Variants in SHROOM3 observed in about 807,000 individuals in gnomAD.
SHROOM3 encodes the protein shroom family member 3.
SHROOM3 carries 47 observed loss-of-function variants against 138.6 expected under a neutral mutation model. The observed-to-expected ratio is 0.34, with a 90% confidence interval of 0.27 to 0.43. The LOEUF (loss-of-function observed/expected upper bound fraction) is 0.43. Among genes scored for constraint, SHROOM3 ranks in the 20% least tolerant of loss-of-function variants. The pLI is 1.00. For synonymous variants in SHROOM3, 1,062 were observed against 1,063.3 expected (o/e 1.00, Z 0.02); for missense variants, 2,491 against 2,596.5 (o/e 0.96, Z 0.88).
rs77841569 is a variant in SHROOM3 at position 76,568,453 on chromosome 4, A to G, written c.323+12690A>G. 2.0e-5 allele frequency among the ~76,000 whole-genome samples: 3 copies of G among 152,238 alleles called. No individual in the cohort carries two copies. The South Asian group carries it at 6.2e-4, about 32-fold the overall frequency. ...TATCTTCACTATCCTTCTATTCCCTATGGAATATGGTCAATAGTTTCATCA... is the reference window on the plus strand; with the variant it reads ...TATCTTCACTATCCTTCTATTCCCTGTGGAATATGGTCAATAGTTTCATCA... On this transcript the variant is annotated intron_variant, in intron 2 of 10. Coordinates refer to ENST00000296043, the MANE Select transcript of SHROOM3 (RefSeq NM_020859.4).
intron 1 of SHROOM3, among the ~76,000 whole-genome samples, chr4:76,436,606 G>T (rs1347915528): frequency 6.6e-6 from 1 of 152,068 alleles, no homozygotes; most frequent in Non-Finnish European, 1.5e-5. Context: ...ACTGAAAATA[G>T]CATCTAAAAA....
chr4:76,540,422 A>G (rs1399080886), intron 1 of SHROOM3, among the ~76,000 whole-genome samples: 1 of 152,218 alleles, frequency 6.6e-6, no homozygotes, highest in African/African-American at 2.4e-5. Flanking sequence ...GTACTAAAAA[A>G]TCATAAACTT....
intron 1 of SHROOM3, among the ~76,000 whole-genome samples, chr4:76,522,004 C>G (rs893072520): frequency 1.3e-5 from 2 of 151,880 alleles, no homozygotes; most frequent in African/African-American, 4.8e-5. Context: ...AACAATCAGA[C>G]AAATCCAAAT....
chr4:76,536,380 G>C (rs1018569786), intron 1 of SHROOM3, among the ~76,000 whole-genome samples: 5 of 152,172 alleles, frequency 3.3e-5, no homozygotes, highest in African/African-American at 4.8e-5. Context: ...TCAAGGTGAA[G>C]AACTTATAAA....
At chr4:76,519,746 T>C (rs1452518700) in intron 1 of SHROOM3, among the ~76,000 whole-genome samples, 1 of 152,218 alleles carries the variant, frequency 6.6e-6, no homozygotes. Flanking sequence ...TAAACATCCA[T>C]AAAACACGGT....
intron 2 of SHROOM3, chr4:76,586,531 A>C: frequency 1.1e-6 from 1 of 944,782 alleles, no homozygotes; most frequent in African/African-American, 1.8e-5. Context: ...TGTTGGCAGA[A>C]ATGCCAGCAT....
At chr4:76,637,852 G>A (rs999728845) in intron 2 of SHROOM3, among the ~76,000 whole-genome samples, 1 of 152,122 alleles carries the variant, frequency 6.6e-6, no homozygotes, top group Non-Finnish European at 1.5e-5. Context: ...GCCTTGGGAG[G>A]GAGGATGAAG....
chr4:76,743,405 A>G (rs1349696271), intron 5 of SHROOM3, among the ~76,000 whole-genome samples: 1 of 152,226 alleles, frequency 6.6e-6, no homozygotes, highest in Non-Finnish European at 1.5e-5. Context: ...TCCAAAAACA[A>G]AGTCATCATG....
At chr4:76,626,230 A>G (rs28595170) in intron 2 of SHROOM3, among the ~76,000 whole-genome samples, 45,100 of 152,044 alleles carry the variant, frequency 0.3, 7,060 homozygotes, top group East Asian at 0.51. Context: ...CACTCTCTCC[A>G]AGTGGTAGAA....
Position 76,605,950 on chromosome 4 carries a change from CAT to C in SHROOM3, c.323+50197_323+50198del, listed in dbSNP as rs34296741. On this transcript the variant is annotated intron_variant, in intron 2 of 10. Transcript: ENST00000296043. ...CTCTCTCTCTATATATATATATACA[CAT>C]ATATATATACATATATATACACATA... Among the ~76,000 whole-genome samples the C allele has an allele frequency of 1.2e-3, 157 of 136,502 alleles. 2 individuals carry two copies. The highest frequency in any genetic ancestry group is 4.1e-3 in the African/African-American group (149 of 36,438). 89.6% of individuals were successfully genotyped at this position (136,502 alleles called of 152,430 possible).
chr4:76,548,951 A>C (rs1444195453), intron 1 of SHROOM3, among the ~76,000 whole-genome samples: 3 of 151,632 alleles, frequency 2.0e-5, no homozygotes, highest in Non-Finnish European at 4.4e-5. Context: ...AGTAAGTTCC[A>C]TGCAGGTGAA....
chr4:76,483,401 C>T (rs1731659325), intron 1 of SHROOM3, among the ~76,000 whole-genome samples: 1 of 152,174 alleles, frequency 6.6e-6, no homozygotes, highest in Admixed American at 6.5e-5. Context: ...AAAAAAAGCT[C>T]ATCATCACTG....
chr4:76,664,574 A>G lies in SHROOM3; in HGVS notation c.324-45582A>G, dbSNP rs1174523959. 6.6e-6 allele frequency among the ~76,000 whole-genome samples: 1 copy of G among 152,126 alleles called. No individual in the cohort carries two copies. Among genetic ancestry groups the G allele is most frequent in the Non-Finnish European group, 1.5e-5 (1 of 68,028 alleles). On this transcript the variant is annotated intron_variant, in intron 2 of 10. Coordinates refer to ENST00000296043, the MANE Select transcript of SHROOM3 (RefSeq NM_020859.4). The surrounding 1 kb of genome is among the most constrained non-coding windows in gnomAD (Gnocchi z 4.2). ...CAGAAATTCTGATTCAGTTGGTTTG[A>G]GGTTGGTCCTGGGCCTCTGGGTCTT...
chr4:76,591,048 T>C (rs7695298), intron 2 of SHROOM3, among the ~76,000 whole-genome samples: 87,802 of 152,026 alleles, frequency 0.58, 25,992 homozygotes, highest in East Asian at 0.85. Context: ...AATTATAGTT[T>C]CATATTTTTT....
chr4:76,455,588 A>G (rs1380337370), intron 1 of SHROOM3, among the ~76,000 whole-genome samples: 1 of 152,166 alleles, frequency 6.6e-6, no homozygotes, highest in Non-Finnish European at 1.5e-5. Context: ...TCCACACACA[A>G]AAGCTACATT....
At chr4:76,599,170 A>G (rs184403228) in intron 2 of SHROOM3, among the ~76,000 whole-genome samples, 96 of 152,290 alleles carry the variant, frequency 6.3e-4, no homozygotes, top group Non-Finnish European at 6.0e-4. Context: ...GAACTTTGCC[A>G]TAGTGTGTGC....
In SHROOM3 at chr4:76,688,521, T is replaced by G. The variant is rs1379295321; in HGVS notation, c.324-21635T>G. 3.0e-6 allele frequency: 3 copies of G among 985,236 alleles called. No homozygotes were observed. The African/African-American group carries it at 5.2e-5, about 17-fold the overall frequency. 61.0% of individuals were successfully genotyped at this position (985,236 alleles called of 1,614,324 possible). On this transcript the variant is annotated intron_variant, in intron 2 of 10. Transcript: ENST00000296043. ...CTGCTTGAATGAGAATAAAGCCAAT[T>G]TCAAACCTTACTGTTACTTTCATCT...
At chr4:76,622,939 T>G (rs1735040732) in intron 2 of SHROOM3, among the ~76,000 whole-genome samples, 1 of 152,190 alleles carries the variant, frequency 6.6e-6, no homozygotes, top group African/African-American at 2.4e-5. Context: ...TTCCAACTTT[T>G]GAGTTATCTG....
At chr4:76,462,071 C>T (rs1339231010) in intron 1 of SHROOM3, among the ~76,000 whole-genome samples, 1 of 152,116 alleles carries the variant, frequency 6.6e-6, no homozygotes, top group Non-Finnish European at 1.5e-5. Flanking sequence ...TTCTCTACAT[C>T]CCAGTGTGGA....
Sources: allele counts gnomAD v4.1 joint callset (sites outside exome capture counted in the v4.1 genomes callset), GRCh38; gene constraint gnomAD v4.1.1; non-coding constraint Gnocchi (gnomAD v3.1); transcripts MANE v1.5; gene names NCBI Gene and HGNC (gene_info 2026-07-23, HGNC 2026-07-21).